Variants in ELAPOR1 observed in about 807,000 individuals in gnomAD.
The protein encoded by ELAPOR1 is endosome-lysosome associated apoptosis and autophagy regulator 1.
ELAPOR1 carries 77 observed loss-of-function variants against 119.7 expected under a neutral mutation model. The observed-to-expected ratio is 0.64, with a 90% CI of 0.54 to 0.78. The LOEUF (loss-of-function observed/expected upper bound fraction) is 0.78. Ranked by LOEUF, ELAPOR1 falls within the 30% of genes least tolerant of loss-of-function variation. The probability of loss-of-function intolerance (pLI) is 0.00; values close to 1 mark genes in which losing one functional copy is unlikely to be tolerated. For synonymous variants in ELAPOR1, 481 were observed against 487.2 expected, an observed-to-expected ratio of 0.99 and a Z score of 0.17; for missense variants, 1,115 against 1,270.4, an observed-to-expected ratio of 0.88 and a Z score of 1.86.
intron 3 of ELAPOR1, 22 bp downstream of exon 3, chr1:109,164,713 C>A: frequency 1.3e-6 from 2 of 1,592,224 alleles, no homozygotes; most frequent in Non-Finnish European, 1.7e-6. Context: ...CACACCCCCA[C>A]CCCACCCCCA....
chr1:109,119,944 C>T (rs1012583444), intron 1 of ELAPOR1, among the ~76,000 whole-genome samples: 2 of 152,100 alleles, frequency 1.3e-5, no homozygotes, highest in Non-Finnish European at 2.9e-5. Context: ...TCAGTGACTC[C>T]AGAGATTGGG....
intron 1 of ELAPOR1, among the ~76,000 whole-genome samples, chr1:109,122,820 G>A (rs1648532568): frequency 6.6e-6 from 1 of 152,186 alleles, no homozygotes; most frequent in African/African-American, 2.4e-5. Context: ...AGCTGGGCAT[G>A]ATGGTGTGCC....
intron 1 of ELAPOR1, among the ~76,000 whole-genome samples, chr1:109,124,067 G>A (rs991648404): frequency 1.2e-4 from 19 of 152,268 alleles, no homozygotes; most frequent in African/African-American, 1.4e-4. Flanking sequence ...CTTCCAAAGC[G>A]CTGGGATTAC....
intron 18 of ELAPOR1, among the ~76,000 whole-genome samples, chr1:109,199,338 G>A (rs1370709270): frequency 6.6e-6 from 1 of 152,222 alleles, no homozygotes; most frequent in Non-Finnish European, 1.5e-5. Context: ...TGACTGGGGA[G>A]ATGGGGAGCA....
intron 7 of ELAPOR1, among the ~76,000 whole-genome samples, chr1:109,177,228 CG>C (rs1354062191): frequency 5.4e-5 from 6 of 111,224 alleles, no homozygotes; most frequent in Admixed American, 8.7e-5. Context: ...GCTGGCCGGG[CG>C]GGGGGCTGAC....
At chr1:109,144,051 ATATT>A (rs1275550809) in intron 1 of ELAPOR1, among the ~76,000 whole-genome samples, 1,460 of 42,080 alleles carry the variant, frequency 0.035, 94 homozygotes, top group African/African-American at 0.1. Flanking sequence ...ATATATATAT[ATATT>A]TATATATTTT....
At chr1:109,171,797 A>T in intron 3 of ELAPOR1, 69 bp from the exon 4 acceptor site, 2 of 1,515,584 alleles carry the variant, frequency 1.3e-6, no homozygotes, top group South Asian at 1.2e-5. Flanking sequence ...AGAACATGAG[A>T]CCTGCACATG....
intron 7 of ELAPOR1, among the ~76,000 whole-genome samples, chr1:109,182,821 C>T (rs1028649701): frequency 4.8e-5 from 7 of 145,352 alleles, no homozygotes; most frequent in Non-Finnish European, 8.9e-5. Context: ...GAGCCGAGAT[C>T]GTGCCACTGC....
In ELAPOR1 at chr1:109,197,498, G is replaced by T. The variant is rs774452212; in HGVS notation, c.2146G>T (p.Asp716Tyr). Residue 716 changes from aspartate (D) to tyrosine (Y), a missense_variant, in exon 16 of 22, where the codon GAC becomes TAC. Transcript: ENST00000369939. The stretch of plus-strand genomic sequence containing the variant: ...GGGTAGGAAAATGTCTGTGTGCACC[G>T]ACAATGTCACTGACCTCCGGATTCC... ...NQGRKMSVCTDNVTDLRIPEG... is the reference protein window; with the variant it reads ...NQGRKMSVCTYNVTDLRIPEG... 2.5e-6 allele frequency: 4 copies of T among 1,613,926 alleles called. No homozygotes were observed. The highest frequency in any genetic ancestry group is 3.4e-6 in the Non-Finnish European group (4 of 1,180,016).
chr1:109,188,494 G>A (rs991239602), intron 9 of ELAPOR1, 140 bp downstream of exon 9: 2 of 946,860 alleles, frequency 2.1e-6, no homozygotes, highest in African/African-American at 1.7e-5. Context: ...CACCTTTGAG[G>A]ACTAAATTCA....
At chr1:109,122,276 T>C (rs1196810542) in intron 1 of ELAPOR1, among the ~76,000 whole-genome samples, 3 of 149,532 alleles carry the variant, frequency 2.0e-5, no homozygotes, top group African/African-American at 7.4e-5. Flanking sequence ...CAACCTCAAG[T>C]GATCTACCTG....
intron 1 of ELAPOR1, among the ~76,000 whole-genome samples, chr1:109,152,392 G>T (rs1236013348): frequency 6.6e-6 from 1 of 152,118 alleles, no homozygotes; most frequent in Non-Finnish European, 1.5e-5. Flanking sequence ...ACAAACCCAA[G>T]TCATGTTGAT....
intron 8 of ELAPOR1, chr1:109,187,744 G>A: frequency 1.2e-6 from 1 of 825,290 alleles, no homozygotes; most frequent in Non-Finnish European, 1.5e-6. Flanking sequence ...AAAAATAAGT[G>A]GGGACATCTC....
intron 1 of ELAPOR1, among the ~76,000 whole-genome samples, chr1:109,156,074 G>C (rs1650857129): frequency 6.6e-6 from 1 of 152,164 alleles, no homozygotes. Context: ...GAGCCTGGGA[G>C]GTTGAGGCTG....
chr1:109,187,945 T>A, intron 8 of ELAPOR1: 2 of 1,283,248 alleles, frequency 1.6e-6, no homozygotes, highest in Non-Finnish European at 2.0e-6. Flanking sequence ...AGCTATTCCT[T>A]GTCACCCAGG....
rs1479212431 is a variant in ELAPOR1 at position 109,200,143 on chromosome 1, A to G, written c.2713A>G (p.Ile905Val). 7 of 1,614,104 alleles carry G rather than the reference A, an allele frequency of 4.3e-6. No individual in the cohort carries two copies. In the African/African-American group the frequency reaches 5.3e-5, roughly 12 times the overall value. ...PEQRVTICKT[I>V]DFWLKVGISA... is the part of the protein sequence containing the mutation. ...GCAGAGAGTCACCATCTGCAAAACC[A>G]TAGATTTCTGGCTGAAAGTGGGCAT... Residue 905 changes from isoleucine (I) to valine (V), a missense_variant, in exon 20 of 22, where the codon ATA (isoleucine) becomes GTA (valine). Coordinates refer to ENST00000369939, the MANE Select transcript of ELAPOR1 (RefSeq NM_020775.5).
intron 17 of ELAPOR1, 151 bp downstream of exon 17, chr1:109,198,226 G>C: frequency 1.5e-6 from 1 of 668,210 alleles, no homozygotes; most frequent in Non-Finnish European, 2.6e-6. Flanking sequence ...GCTAAGGGCT[G>C]GGAGTTCCTG....
At chr1:109,144,061 A>ATATATATATATATATATTTTTTTTTTTTT in intron 1 of ELAPOR1, among the ~76,000 whole-genome samples, 1 of 89,018 alleles carries the variant, frequency 1.1e-5, no homozygotes, top group African/African-American at 4.8e-5. Context: ...ATATTTATAT[A>ATATATATATATATATATTTTTTTTTTTTT]TTTTTTTTTT....
intron 7 of ELAPOR1, among the ~76,000 whole-genome samples, chr1:109,181,387 G>C (rs1558056139): frequency 6.6e-6 from 1 of 152,086 alleles, no homozygotes; most frequent in Non-Finnish European, 1.5e-5. Context: ...ACCAAACACA[G>C]AGGCCCATCT....
Sources: allele counts gnomAD v4.1 joint callset (sites outside exome capture counted in the v4.1 genomes callset), GRCh38; gene constraint gnomAD v4.1.1; transcripts MANE v1.5; gene names NCBI Gene and HGNC (gene_info 2026-07-23, HGNC 2026-07-21).